Variants in RBFOX3 observed in about 807,000 individuals in gnomAD.
RBFOX3 encodes the protein RNA binding fox-1 homolog 3, also known as RNA binding protein fox-1 homolog 3.
In RBFOX3, 17 loss-of-function variants were observed where a neutral mutation model predicts 48.7. That is an observed-to-expected ratio of 0.35 (90% CI 0.24 to 0.52). The LOEUF (loss-of-function observed/expected upper bound fraction) is 0.52. RBFOX3 is among the 20% of genes least tolerant of loss of function. The pLI is 0.94. For synonymous variants in RBFOX3, 212 were observed against 209.5 expected, an observed-to-expected ratio of 1.01 and a Z score of -0.10; for missense variants, 382 against 497.5, an observed-to-expected ratio of 0.77 and a Z score of 2.21.
chr17:79,313,433 G>A (rs1255153000), intron 2 of RBFOX3, among the ~76,000 whole-genome samples: 1 of 152,152 alleles, frequency 6.6e-6, no homozygotes, highest in African/African-American at 2.4e-5. Context: ...TAGTCAAGCT[G>A]TGCTGGGCCT....
the RBFOX3 span, among the ~76,000 whole-genome samples, chr17:79,629,370 G>T: frequency 0.012 from 1,789 of 152,254 alleles, 17 homozygotes; most frequent in Non-Finnish European, 0.018. Context: ...AAAGAAGACT[G>T]AGAAATGACT....
chr17:79,169,797 C>T (rs775719197), intron 4 of RBFOX3, among the ~76,000 whole-genome samples: 1 of 152,124 alleles, frequency 6.6e-6, no homozygotes, highest in Non-Finnish European at 1.5e-5. Flanking sequence ...CTAGAAGTGG[C>T]GATGGCTGCA....
chr17:79,592,594 C>G (rs1278613634), intron 1 of RBFOX3, among the ~76,000 whole-genome samples: 1 of 152,028 alleles, frequency 6.6e-6, no homozygotes, highest in Non-Finnish European at 1.5e-5. Context: ...AAGGCTGGGG[C>G]AGGGAGTGGT....
intron 3 of RBFOX3, among the ~76,000 whole-genome samples, chr17:79,289,354 C>T (rs963467252): frequency 3.9e-5 from 6 of 152,198 alleles, no homozygotes; most frequent in East Asian, 1.9e-4. Context: ...CCCTTAGTGT[C>T]GACACCCAGG....
At chr17:79,633,441 G>A in the RBFOX3 span, among the ~76,000 whole-genome samples, 1 of 152,244 alleles carries the variant, frequency 6.6e-6, no homozygotes, top group East Asian at 1.9e-4. Context: ...CCGTAGGGAG[G>A]TGGGCTGGGT....
At chr17:79,620,204 CACATGCACACACAGGG>C in the RBFOX3 span, among the ~76,000 whole-genome samples, 66 of 148,770 alleles carry the variant, frequency 4.4e-4, no homozygotes, top group Non-Finnish European at 7.7e-4. Context: ...CACACACGTG[CACATGCACACACAGGG>C]ACATGCACAC....
chr17:79,405,089 T>TAGCC (rs1209745881), intron 2 of RBFOX3, among the ~76,000 whole-genome samples: 1 of 152,162 alleles, frequency 6.6e-6, no homozygotes, highest in Non-Finnish European at 1.5e-5. Context: ...TCTCCAAAAA[T>TAGCC]AGCCCTTTAC....
Position 79,545,265 on chromosome 17 carries a change from T to C in RBFOX3, c.-319-62667A>G, listed in dbSNP as rs1271605784. ...GTCGAGGGTCCCCATTCCCGCCCTCTCCCTCGCCCCTGCTAGAGGAGCACG... is the reference window on the plus strand; with the variant it reads ...GTCGAGGGTCCCCATTCCCGCCCTCCCCCTCGCCCCTGCTAGAGGAGCACG... On this transcript the variant is annotated intron_variant, in intron 1 of 14. Coordinates refer to ENST00000693108, the MANE Select transcript of RBFOX3 (RefSeq NM_001350451.2). 1.3e-5 allele frequency among the ~76,000 whole-genome samples: 2 copies of C among 151,972 alleles called. 1 individual carries two copies. Among genetic ancestry groups the C allele is most frequent in the African/African-American group, 4.8e-5 (2 of 41,382 alleles).
At chr17:79,225,082 C>G (rs1484374457) in intron 4 of RBFOX3, among the ~76,000 whole-genome samples, 1 of 152,200 alleles carries the variant, frequency 6.6e-6, no homozygotes, top group Non-Finnish European at 1.5e-5. Flanking sequence ...TGACCATTCA[C>G]ACACGTCACC....
At chr17:79,531,868 C>T (rs1234786489) in intron 1 of RBFOX3, among the ~76,000 whole-genome samples, 2 of 152,208 alleles carry the variant, frequency 1.3e-5, no homozygotes, top group Non-Finnish European at 2.9e-5. Context: ...ATCTGGGATG[C>T]GTCCCTCACA....
intron 4 of RBFOX3, among the ~76,000 whole-genome samples, chr17:79,173,865 A>C (rs374038477): frequency 5.7e-5 from 8 of 139,780 alleles, no homozygotes; most frequent in Non-Finnish European, 9.2e-5. Flanking sequence ...CCCTCTCCCC[A>C]CGCTGAGTAC....
intron 2 of RBFOX3, among the ~76,000 whole-genome samples, chr17:79,321,796 C>T (rs1213078189): frequency 2.0e-5 from 3 of 151,718 alleles, no homozygotes; most frequent in African/African-American, 7.3e-5. Flanking sequence ...ACCTCTGCCT[C>T]CCCGGTTCAA....
At chr17:79,183,990 C>A (rs1306130181) in intron 4 of RBFOX3, among the ~76,000 whole-genome samples, 1 of 152,208 alleles carries the variant, frequency 6.6e-6, no homozygotes, top group Non-Finnish European at 1.5e-5. Flanking sequence ...CCGGCCGCTG[C>A]GGAGAGGAGG....
chr17:79,217,194 T>A (rs535078168), intron 4 of RBFOX3, among the ~76,000 whole-genome samples: 1 of 152,244 alleles, frequency 6.6e-6, no homozygotes, highest in East Asian at 1.9e-4. Context: ...TGCTGGCAAC[T>A]GTCCCCTTCA....
intron 2 of RBFOX3, among the ~76,000 whole-genome samples, chr17:79,396,549 CCT>C (rs1016475148): frequency 5.5e-4 from 84 of 152,218 alleles, no homozygotes; most frequent in African/African-American, 1.9e-3. Flanking sequence ...TCTGACTCCC[CCT>C]GAGACCCCCT....
At chr17:79,113,223 C>T (rs1232693414) in intron 5 of RBFOX3, among the ~76,000 whole-genome samples, 1 of 152,116 alleles carries the variant, frequency 6.6e-6, no homozygotes, top group Non-Finnish European at 1.5e-5. Flanking sequence ...GCCGGGCAGC[C>T]TCTGGGAGGA....
chr17:79,198,412 C>A lies in RBFOX3; in HGVS notation c.-34+37354G>T, dbSNP rs145866075. On this transcript the variant is annotated intron_variant, in intron 4 of 14. Transcript: ENST00000693108. The surrounding 1 kb of genome is among the most constrained non-coding windows in gnomAD (Gnocchi z 8.2). ...ACTCAGTGCTAAGGTGACAGTGGAA[C>A]GCTGGCATCTGTGTCCCGCCTGCCA... 6.6e-6 allele frequency among the ~76,000 whole-genome samples: 1 copy of A among 152,296 alleles called. No homozygotes were observed. The highest frequency in any genetic ancestry group is 1.5e-5 in the Non-Finnish European group (1 of 68,030).
At chr17:79,181,647 G>A (rs113345178) in intron 4 of RBFOX3, among the ~76,000 whole-genome samples, 5,274 of 151,548 alleles carry the variant, frequency 0.035, 113 homozygotes, top group Non-Finnish European at 0.046. Context: ...TGCCACTGCC[G>A]GCCACCCTCT....
At chr17:79,318,695 T>A (rs8082310) in intron 2 of RBFOX3, among the ~76,000 whole-genome samples, 145,619 of 151,570 alleles carry the variant, frequency 0.96, 70,257 homozygotes, top group East Asian at 1. Context: ...TCTACTAAAA[T>A]TACAAAAAAA....
Sources: allele counts gnomAD v4.1 joint callset (sites outside exome capture counted in the v4.1 genomes callset), GRCh38; gene constraint gnomAD v4.1.1; non-coding constraint Gnocchi (gnomAD v3.1); transcripts MANE v1.5; gene names NCBI Gene and HGNC (gene_info 2026-07-23, HGNC 2026-07-21).